The following MAP7D2 variants were observed in gnomAD, a reference collection of about 807,000 sequenced individuals.
MAP7D2 encodes MAP7 domain-containing protein 2.
Under a neutral mutation model 63.5 loss-of-function variants are expected in MAP7D2, and 33 were observed. The ratio of observed to expected loss-of-function variants is 0.52; its 90% CI spans 0.39 to 0.70. The LOEUF (loss-of-function observed/expected upper bound fraction) is 0.70. MAP7D2 is among the 30% of genes least tolerant of loss of function. The pLI is 0.00. For synonymous variants in MAP7D2, 224 were observed against 223.7 expected, an observed-to-expected ratio of 1.00 and a Z score of -0.01; for missense variants, 626 against 604.0, an observed-to-expected ratio of 1.04 and a Z score of -0.38.
At chrX:20,102,517 G>C (rs2066460646) in intron 1 of MAP7D2, among the ~76,000 whole-genome samples, 1 of 111,217 alleles carries the variant, frequency 9.0e-6, no homozygotes, top group South Asian at 3.8e-4. Context: ...ATTCCAACAT[G>C]CCTGAAAACT....
chrX:20,070,585 A>G (rs2065478266), intron 1 of MAP7D2, among the ~76,000 whole-genome samples: 1 of 111,420 alleles, frequency 9.0e-6, no homozygotes, highest in Non-Finnish European at 1.9e-5. Context: ...AAGAGCACCC[A>G]TGTCAGAGCC....
At chrX:20,100,067 C>T (rs147700505) in intron 1 of MAP7D2, among the ~76,000 whole-genome samples, 1,638 of 112,151 alleles carry the variant, frequency 0.015, 11 homozygotes, top group Non-Finnish European at 0.023. Context: ...CTCTGCTTCC[C>T]TGCTCTGCTG....
chrX:20,034,346 G>A (rs1453059222), intron 8 of MAP7D2, among the ~76,000 whole-genome samples: 1 of 109,305 alleles, frequency 9.1e-6, no homozygotes, highest in Non-Finnish European at 1.9e-5. Context: ...GCTCAGGAGT[G>A]AACAAAGGGC....
intron 2 of MAP7D2, 25 bp from the exon 3 acceptor site, chrX:20,063,602 G>A (rs1315868573): frequency 7.5e-6 from 9 of 1,204,261 alleles, no homozygotes; most frequent in African/African-American, 3.5e-5. Flanking sequence ...TAGAAGAGAG[G>A]TGTCATTACC....
At chrX:20,094,491 T>G (rs180690477) in intron 1 of MAP7D2, among the ~76,000 whole-genome samples, 1 of 13,918 alleles carries the variant, frequency 7.2e-5, no homozygotes, top group South Asian at 3.9e-3. Context: ...TACATACATA[T>G]ATATATATAT....
intron 8 of MAP7D2, among the ~76,000 whole-genome samples, chrX:20,033,815 G>A (rs1037476418): frequency 6.2e-5 from 7 of 112,288 alleles, no homozygotes; most frequent in African/African-American, 2.3e-4. Flanking sequence ...TACCAGTTTT[G>A]GTGGGGGTTT....
intron 1 of MAP7D2, among the ~76,000 whole-genome samples, chrX:20,098,946 C>T (rs989727706): frequency 5.3e-5 from 6 of 112,739 alleles, no homozygotes; most frequent in African/African-American, 1.9e-4. Context: ...GGTGTGTGTG[C>T]CATCCACACT....
chrX:20,093,376 C>T (rs1418140913), intron 1 of MAP7D2, among the ~76,000 whole-genome samples: 1 of 111,816 alleles, frequency 8.9e-6, no homozygotes, highest in Non-Finnish European at 1.9e-5. Context: ...TCACCATTAG[C>T]CTGGGCGCGG....
At chrX:20,100,765 T>C (rs1179311278) in intron 1 of MAP7D2, among the ~76,000 whole-genome samples, 1 of 111,523 alleles carries the variant, frequency 9.0e-6, no homozygotes, top group Non-Finnish European at 1.9e-5. Context: ...CTCAAGTCTG[T>C]AATCCCAGCA....
intron 1 of MAP7D2, 39 bp from the exon 2 acceptor site, chrX:20,064,844 C>T (rs1331024961): frequency 8.8e-7 from 1 of 1,136,119 alleles, no homozygotes; most frequent in East Asian, 3.0e-5. Flanking sequence ...CAGTTCTTCA[C>T]TCTTTCCCTA....
intron 12 of MAP7D2, among the ~76,000 whole-genome samples, chrX:20,013,962 C>G (rs2073292720): frequency 8.9e-6 from 1 of 112,201 alleles, no homozygotes; most frequent in Non-Finnish European, 1.9e-5. Context: ...GAAAGTGAGG[C>G]TGAGGCTGAG....
At chrX:20,111,711 G>C (rs886546015) in intron 1 of MAP7D2, among the ~76,000 whole-genome samples, 1 of 111,609 alleles carries the variant, frequency 9.0e-6, no homozygotes, top group African/African-American at 3.3e-5. Flanking sequence ...AAAAACCATC[G>C]AATTGTGCAT....
chrX:20,092,912 A>G (rs1012870574), intron 1 of MAP7D2, among the ~76,000 whole-genome samples: 1 of 112,401 alleles, frequency 8.9e-6, no homozygotes, highest in East Asian at 2.8e-4. Flanking sequence ...ACATCTGGAC[A>G]CTACATTTGT....
At chrX:20,074,066 C>T (rs2065581057) in intron 1 of MAP7D2, among the ~76,000 whole-genome samples, 1 of 103,105 alleles carries the variant, frequency 9.7e-6, no homozygotes, top group Non-Finnish European at 2.0e-5. Flanking sequence ...ATCTGGGAGG[C>T]GGAGGCTGCG....
chrX:20,092,361 A>T (rs1273039862), intron 1 of MAP7D2, among the ~76,000 whole-genome samples: 3 of 110,969 alleles, frequency 2.7e-5, no homozygotes, highest in Non-Finnish European at 5.7e-5. Flanking sequence ...CCCCCTACCA[A>T]TGTCTCTCCC....
In MAP7D2 at chrX:20,052,899, T is replaced by C. The variant is rs754606547; in HGVS notation, c.574A>G (p.Ile192Val). Reference protein sequence around the residue: ...NKRLSSSTVAISYSPDRAHHM... With the variant: ...NKRLSSSTVAVSYSPDRAHHM... ...TTGCCTCGGTCTGGGGAATAGGATA[T>C]TGCCACGGTGGATGAAGACAGGCGT... Residue 192 changes from isoleucine to valine, a missense_variant, in exon 5 of 17, where the codon ATA becomes GTA. Transcript: ENST00000379643. The C allele has an allele frequency of 1.7e-6, 2 of 1,208,841 alleles. No homozygotes were observed. The highest frequency in any genetic ancestry group is 3.0e-5 in the East Asian group (1 of 33,868).
chrX:20,107,444 G>A (rs2066601375), intron 1 of MAP7D2, among the ~76,000 whole-genome samples: 2 of 110,972 alleles, frequency 1.8e-5, no homozygotes, highest in Middle Eastern at 4.7e-3. Context: ...GGTGGCATGT[G>A]CCTATAATCC....
intron 8 of MAP7D2, among the ~76,000 whole-genome samples, chrX:20,032,641 C>G (rs2074086670): frequency 8.9e-6 from 1 of 112,168 alleles, no homozygotes; most frequent in African/African-American, 3.2e-5. Flanking sequence ...TGAAACAAAA[C>G]TGATCTCAGC....
chrX:20,072,129 T>G (rs2065518485), intron 1 of MAP7D2, among the ~76,000 whole-genome samples: 1 of 111,520 alleles, frequency 9.0e-6, no homozygotes, highest in Non-Finnish European at 1.9e-5. Context: ...ATACCAGAAG[T>G]GTCTATAAAA....
Sources: gnomAD v4.1 joint callset for allele counts (sites outside exome capture counted in the v4.1 genomes callset) on GRCh38, gnomAD v4.1.1 for gene constraint, MANE v1.5 for transcripts, NCBI Gene and HGNC (gene_info 2026-07-23, HGNC 2026-07-21) for gene names.